Variants in FRMPD1 observed in about 807,000 individuals in gnomAD.
FRMPD1 encodes FERM and PDZ domain containing 1, also known as FERM and PDZ domain-containing protein 1.
In FRMPD1, 76 loss-of-function variants were observed where a neutral mutation model predicts 117.8. That is an observed-to-expected ratio of 0.65 (90% CI 0.54 to 0.78). FRMPD1 has a LOEUF of 0.78. Ranked by LOEUF, FRMPD1 falls within the 30% of genes least tolerant of loss-of-function variation. The pLI is 0.00. For synonymous variants in FRMPD1, 783 were observed against 770.4 expected (o/e 1.02, Z -0.27); for missense variants, 1,786 against 1,964.5 (o/e 0.91, Z 1.72).
At chr9:37,657,050 A>G (rs987466934) in intron 1 of FRMPD1, among the ~76,000 whole-genome samples, 8 of 152,260 alleles carry the variant, frequency 5.3e-5, no homozygotes, top group Non-Finnish European at 1.2e-4. Context: ...AAAGGGTGAT[A>G]TGGCAAAATT....
chr9:37,705,486 A>G (rs1027841169), intron 2 of FRMPD1, among the ~76,000 whole-genome samples: 1 of 152,094 alleles, frequency 6.6e-6, no homozygotes, highest in Non-Finnish European at 1.5e-5. Context: ...TAATAGAGAC[A>G]GGGTATTGCC....
At chr9:37,663,720 C>A (rs892842287) in intron 1 of FRMPD1, among the ~76,000 whole-genome samples, 1 of 152,154 alleles carries the variant, frequency 6.6e-6, no homozygotes, top group Non-Finnish European at 1.5e-5. Flanking sequence ...CAGGACCCCA[C>A]TGCAGATAAG....
the FRMPD1 span, among the ~76,000 whole-genome samples, chr9:37,622,294 A>G: frequency 1.3e-5 from 2 of 152,200 alleles, no homozygotes; most frequent in Admixed American, 1.3e-4. Context: ...GTAAGCCAGC[A>G]TTGTTATCGT....
At chr9:37,620,717 G>T in the FRMPD1 span, among the ~76,000 whole-genome samples, 1 of 148,770 alleles carries the variant, frequency 6.7e-6, no homozygotes, top group Admixed American at 6.7e-5. Flanking sequence ...GTATAGCACA[G>T]TTTTTTTTTT....
chr9:37,695,509 A>G (rs1477588375), intron 2 of FRMPD1, among the ~76,000 whole-genome samples: 1 of 152,218 alleles, frequency 6.6e-6, no homozygotes, highest in Non-Finnish European at 1.5e-5. Flanking sequence ...CATGGAAGAC[A>G]TAATTTCCAT....
At chr9:37,648,116 T>C (rs1820547733), upstream of FRMPD1, among the ~76,000 whole-genome samples, 1 of 152,172 alleles carries the variant, frequency 6.6e-6, no homozygotes, top group African/African-American at 2.4e-5. Context: ...TCTTATTTTT[T>C]AGAACACTCC....
chr9:37,720,648 G>A lies in FRMPD1; in HGVS notation c.516+1472G>A, dbSNP rs576213333. Among the ~76,000 whole-genome samples, 16 of 150,864 alleles carry A rather than the reference G, an allele frequency of 1.1e-4. No homozygotes were observed. The South Asian group carries it at 2.9e-3, about 28-fold the overall frequency. On this transcript the variant is annotated intron_variant, in intron 6 of 15. Transcript: ENST00000377765. ...CGCGCCACTGCACTCGAGCCTGGGC[G>A]ACAAAGCCAGACTCCATCTCAAAAA...
chr9:37,708,969 A>G (rs2118161279), intron 4 of FRMPD1, among the ~76,000 whole-genome samples: 1 of 152,300 alleles, frequency 6.6e-6, no homozygotes, highest in African/African-American at 2.4e-5. Flanking sequence ...TCATTGATGT[A>G]GCACCTCCAA....
At chr9:37,637,058 C>CGGTA in the FRMPD1 span, 1 of 1,546,648 alleles carries the variant, frequency 6.5e-7, no homozygotes, top group African/African-American at 1.4e-5. Flanking sequence ...ATGAGCCCCC[C>CGGTA]GGTAGTAGCT....
At chr9:37,636,862 G>T in the FRMPD1 span, 2 of 1,611,024 alleles carry the variant, frequency 1.2e-6, no homozygotes, top group Non-Finnish European at 1.7e-6. Context: ...AGAAGGGGAT[G>T]CCCAAAGAGT....
rs778535210 is a variant in FRMPD1, at chr9:37,735,653, G to A, written c.1320G>A (p.Glu440=). The A allele has an allele frequency of 1.5e-5, 25 of 1,613,988 alleles. No homozygotes were observed. Among genetic ancestry groups the A allele is most frequent in the Middle Eastern group, 3.3e-4 (2 of 6,082 alleles). The change falls in exon 13 of 16, where the codon GAG becomes GAA. Residue 440 remains glutamate, a synonymous_variant. Coordinates refer to ENST00000377765, the MANE Select transcript of FRMPD1 (RefSeq NM_014907.3). ...SKLNIMSTLA[E]FANISRVELT... Reference sequence around the variant, plus strand: ...TCAACATCATGTCCACATTGGCAGAGTTTGCAAACATCAGCCGTGTAGAGC... The same window carrying A: ...TCAACATCATGTCCACATTGGCAGAATTTGCAAACATCAGCCGTGTAGAGC...
At chr9:37,626,632 A>AAAAAAAAAAAAAAAAAAAAAAAAAAAAAG in the FRMPD1 span, among the ~76,000 whole-genome samples, 1 of 140,652 alleles carries the variant, frequency 7.1e-6, no homozygotes, top group Non-Finnish European at 1.6e-5. Context: ...GAAAAAAAAA[A>AAAAAAAAAAAAAAAAAAAAAAAAAAAAAG]AAAAAAAAAA....
At chr9:37,619,407 G>T in the FRMPD1 span, among the ~76,000 whole-genome samples, 1 of 151,956 alleles carries the variant, frequency 6.6e-6, no homozygotes, top group Non-Finnish European at 1.5e-5. Context: ...AAAGAGGGTA[G>T]GAGGAAGAAA....
In FRMPD1 at chr9:37,706,936, G is replaced by GTCCATCCA. The variant is rs66686416; in HGVS notation, c.102-446_102-439dup. Among the ~76,000 whole-genome samples the GTCCATCCA allele has an allele frequency of 9.5e-3, 1,432 of 150,162 alleles. 20 individuals carry two copies. Among genetic ancestry groups the GTCCATCCA allele is most frequent in the African/African-American group, 0.03 (1,238 of 40,690 alleles). On this transcript the variant is annotated intron_variant, in intron 2 of 15. Coordinates refer to ENST00000377765, the MANE Select transcript of FRMPD1 (RefSeq NM_014907.3). The stretch of plus-strand genomic sequence containing the variant: ...CATCTGCCTGTTCTTCTGTCAGTCC[G>GTCCATCCA]TCCATCCATCCATCCATCCATCCAT...
chr9:37,716,477 C>T (rs1321225391), intron 5 of FRMPD1, among the ~76,000 whole-genome samples: 2 of 152,184 alleles, frequency 1.3e-5, no homozygotes, highest in Non-Finnish European at 2.9e-5. Context: ...GTCAGGGAAC[C>T]TCCTCTTCCT....
chr9:37,618,498 G>A, the FRMPD1 span, among the ~76,000 whole-genome samples: 2 of 151,926 alleles, frequency 1.3e-5, no homozygotes, highest in Admixed American at 6.6e-5. Flanking sequence ...AACAACTTTG[G>A]GCACATAAAT....
intron 5 of FRMPD1, among the ~76,000 whole-genome samples, chr9:37,712,038 C>A (rs1588949029): frequency 6.6e-6 from 1 of 152,248 alleles, no homozygotes; most frequent in Admixed American, 6.5e-5. Context: ...AATAGTACTT[C>A]TTAGCCTTGG....
the FRMPD1 span, among the ~76,000 whole-genome samples, chr9:37,635,351 GC>G: frequency 6.6e-6 from 1 of 152,126 alleles, no homozygotes; most frequent in African/African-American, 2.4e-5. Context: ...GATTAGTATT[GC>G]CCAGAAGTTG....
At chr9:37,629,883 T>C in the FRMPD1 span, among the ~76,000 whole-genome samples, 1 of 152,168 alleles carries the variant, frequency 6.6e-6, no homozygotes, top group African/African-American at 2.4e-5. Context: ...CTGAGTGGCT[T>C]ACCAACAATG....
Sources: gnomAD v4.1 joint callset for allele counts (sites outside exome capture counted in the v4.1 genomes callset) on GRCh38, gnomAD v4.1.1 for gene constraint, MANE v1.5 for transcripts, NCBI Gene and HGNC (gene_info 2026-07-23, HGNC 2026-07-21) for gene names.